Variants in SLC16A10 observed in about 807,000 individuals in gnomAD.
SLC16A10 encodes the protein solute carrier family 16 member 10.
SLC16A10 carries 27 observed loss-of-function variants against 40.0 expected under a neutral mutation model. That is an observed-to-expected ratio of 0.67 (90% CI 0.50 to 0.93). The LOEUF (loss-of-function observed/expected upper bound fraction) is 0.93, where lower values mean the gene tolerates loss of function less well. Ranked by LOEUF, SLC16A10 falls within the 40% of genes least tolerant of loss-of-function variation. The probability of loss-of-function intolerance (pLI) is 0.00; values close to 1 mark genes in which losing one functional copy is unlikely to be tolerated. For synonymous variants in SLC16A10, 213 were observed against 249.8 expected, an observed-to-expected ratio of 0.85 and a Z score of 1.39; for missense variants, 529 against 658.2, an observed-to-expected ratio of 0.80 and a Z score of 2.15.
intron 1 of SLC16A10, among the ~76,000 whole-genome samples, chr6:111,139,553 G>A (rs1204879586): frequency 1.3e-5 from 2 of 152,138 alleles, no homozygotes; most frequent in Admixed American, 1.3e-4. Flanking sequence ...GCCTGCCTCG[G>A]CCCCCAAAAG....
chr6:111,155,392 G>A (rs1156500910), intron 1 of SLC16A10, among the ~76,000 whole-genome samples: 2 of 151,636 alleles, frequency 1.3e-5, no homozygotes, highest in African/African-American at 4.8e-5. Flanking sequence ...TAGAGACAGG[G>A]TCTCCCTAGA....
chr6:111,210,505 A>G (rs1372785019), intron 4 of SLC16A10, among the ~76,000 whole-genome samples: 1 of 152,218 alleles, frequency 6.6e-6, no homozygotes, highest in Non-Finnish European at 1.5e-5. Context: ...CAGCTTTCAT[A>G]CATTCAAAAA....
chr6:111,227,288 G>A lies in SLC16A10; in HGVS notation c.*5053G>A, dbSNP rs1045886397. The A allele has an allele frequency of 6.6e-6, 1 of 152,184 alleles. No individual in the cohort carries two copies. Among genetic ancestry groups the A allele is most frequent in the East Asian group, 1.9e-4 (1 of 5,202 alleles). 9.4% of individuals were successfully genotyped at this position (152,184 alleles called of 1,614,324 possible). A position where few individuals can be genotyped will look rare whatever the true frequency, so the allele number is the denominator to read the frequency against. On this transcript the variant is annotated 3_prime_UTR_variant, in exon 6 of 6. Coordinates refer to ENST00000368851, the MANE Select transcript of SLC16A10 (RefSeq NM_018593.5). ...GGGCTCACTATAATTTCATAGCCAC[G>A]ACCTGTTTATTATTAGTTGGCAGAG...
chr6:111,219,274 C>T (rs1770842112), intron 5 of SLC16A10, among the ~76,000 whole-genome samples: 1 of 152,052 alleles, frequency 6.6e-6, no homozygotes. Context: ...CTATATAAAA[C>T]ACTTTGGGAG....
intron 1 of SLC16A10, among the ~76,000 whole-genome samples, chr6:111,166,688 C>T (rs1015626108): frequency 3.9e-5 from 6 of 152,316 alleles, no homozygotes; most frequent in South Asian, 2.1e-4. Context: ...TCATTTACAT[C>T]GGCATAATTA....
chr6:111,187,951 T>C (rs1318495821), intron 3 of SLC16A10, among the ~76,000 whole-genome samples: 1 of 152,178 alleles, frequency 6.6e-6, no homozygotes, highest in Admixed American at 6.5e-5. Flanking sequence ...CTGCTGAAGG[T>C]GACCTCTCCT....
In SLC16A10 at chr6:111,226,645, A is replaced by T. The variant is rs1038486940; in HGVS notation, c.*4410A>T. 2.4e-4 allele frequency: 36 copies of T among 152,222 alleles called. No homozygotes were observed. Among genetic ancestry groups the T allele is most frequent in the African/African-American group, 8.2e-4 (34 of 41,454 alleles). 9.4% of individuals were successfully genotyped at this position (152,222 alleles called of 1,614,324 possible). ...ACTATTACCTTCTTTTTACATCTAT[A>T]TGTTTTTATAATTTGAAAGGCAAGT... On this transcript the variant is annotated 3_prime_UTR_variant, in exon 6 of 6. Transcript: ENST00000368851.
At chr6:111,138,752 C>T (rs1005042804) in intron 1 of SLC16A10, among the ~76,000 whole-genome samples, 4 of 152,058 alleles carry the variant, frequency 2.6e-5, no homozygotes, top group African/African-American at 9.7e-5. Context: ...TTCCAAGTAG[C>T]TGGGACTACA....
intron 3 of SLC16A10, among the ~76,000 whole-genome samples, chr6:111,203,222 T>G (rs1161235672): frequency 6.6e-6 from 1 of 152,156 alleles, no homozygotes; most frequent in Non-Finnish European, 1.5e-5. Flanking sequence ...GCAGCAGTCA[T>G]GGACAGCCTA....
At position 111,223,744 on chromosome 6, in the gene SLC16A10, C is replaced by T. The variant is rs2114598899; in HGVS notation, c.*1509C>T. On this transcript the variant is annotated 3_prime_UTR_variant, in exon 6 of 6. Transcript: ENST00000368851. ...GTCCAGTTATATAAAACGTTACTTT[C>T]TCATTTTTGAGAAGTTCAACAAAAC... 1 of 152,242 alleles carries T rather than the reference C, an allele frequency of 6.6e-6. No homozygotes were observed. The highest frequency in any genetic ancestry group is 1.9e-4 in the East Asian group (1 of 5,184). 9.4% of individuals were successfully genotyped at this position (152,242 alleles called of 1,614,324 possible).
intron 3 of SLC16A10, among the ~76,000 whole-genome samples, chr6:111,201,441 A>G (rs1773166700): frequency 6.6e-6 from 1 of 152,092 alleles, no homozygotes; most frequent in South Asian, 2.1e-4. Flanking sequence ...AGCACTTTGT[A>G]GTTGTCAGTC....
chr6:111,139,063 C>G (rs1771933093), intron 1 of SLC16A10, among the ~76,000 whole-genome samples: 1 of 149,724 alleles, frequency 6.7e-6, no homozygotes, highest in African/African-American at 2.5e-5. Flanking sequence ...CTTTCCTTCT[C>G]CCTGCTGGCT....
intron 3 of SLC16A10, among the ~76,000 whole-genome samples, chr6:111,195,620 G>A (rs993990155): frequency 6.6e-6 from 1 of 152,192 alleles, no homozygotes; most frequent in African/African-American, 2.4e-5. Flanking sequence ...ATGAGGTGTT[G>A]CTGCCTAAAT....
chr6:111,209,823 T>C (rs1773317672), intron 4 of SLC16A10, among the ~76,000 whole-genome samples: 1 of 151,968 alleles, frequency 6.6e-6, no homozygotes, highest in African/African-American at 2.4e-5. Flanking sequence ...AGGCTATGAG[T>C]GAGCTTACAG....
chr6:111,144,534 T>C (rs1772042496), intron 1 of SLC16A10, among the ~76,000 whole-genome samples: 1 of 152,200 alleles, frequency 6.6e-6, no homozygotes, highest in Admixed American at 6.5e-5. Context: ...AGATGTAAAT[T>C]AAAACAAATG....
chr6:111,200,213 T>C (rs1773146793), intron 3 of SLC16A10, among the ~76,000 whole-genome samples: 1 of 152,216 alleles, frequency 6.6e-6, no homozygotes, highest in African/African-American at 2.4e-5. Flanking sequence ...AGAAATATCG[T>C]TGGGCTACCA....
intron 1 of SLC16A10, among the ~76,000 whole-genome samples, chr6:111,169,894 G>C (rs965156401): frequency 2.7e-5 from 4 of 146,910 alleles, no homozygotes; most frequent in East Asian, 2.0e-4. Context: ...CTTGTGCAAG[G>C]GTTTTGTTTT....
At chr6:111,195,715 T>A (rs567838761) in intron 3 of SLC16A10, among the ~76,000 whole-genome samples, 11 of 152,142 alleles carry the variant, frequency 7.2e-5, no homozygotes, top group Non-Finnish European at 1.2e-4. Flanking sequence ...GGAGTAGAGT[T>A]CATAATTTGA....
chr6:111,197,937 T>C (rs1773106210), intron 3 of SLC16A10, among the ~76,000 whole-genome samples: 1 of 152,034 alleles, frequency 6.6e-6, no homozygotes, highest in African/African-American at 2.4e-5. Flanking sequence ...CCTCCAACAT[T>C]GGGAATCACA....
Sources: gnomAD v4.1 joint callset for allele counts (sites outside exome capture counted in the v4.1 genomes callset) on GRCh38, gnomAD v4.1.1 for gene constraint, MANE v1.5 for transcripts, NCBI Gene and HGNC (gene_info 2026-07-23, HGNC 2026-07-21) for gene names.